Variants in USH2A observed in about 807,000 individuals in gnomAD.
USH2A encodes usherin, also known as Usher syndrome 2A (autosomal recessive, mild).
In USH2A, 443 loss-of-function variants were observed where a neutral mutation model predicts 538.9. The ratio of observed to expected loss-of-function variants is 0.82; its 90% confidence interval spans 0.76 to 0.89. The LOEUF is 0.89. Among genes scored for constraint, USH2A ranks in the 40% least tolerant of loss-of-function variants. The pLI is 0.00. For synonymous variants in USH2A, 2,413 were observed against 2,273.5 expected, an observed-to-expected ratio of 1.06 and a Z score of -1.75; for missense variants, 6,633 against 6,324.8, an observed-to-expected ratio of 1.05 and a Z score of -1.65.
intron 14 of USH2A, among the ~76,000 whole-genome samples, chr1:216,230,929 T>C (rs888068484): frequency 6.6e-6 from 1 of 150,804 alleles, no homozygotes; most frequent in Non-Finnish European, 1.5e-5. Context: ...GACACAGAAT[T>C]GGCATTATAG....
intron 4 of USH2A, among the ~76,000 whole-genome samples, chr1:216,348,410 T>C (rs1310389583): frequency 1.3e-4 from 20 of 152,054 alleles, no homozygotes; most frequent in Admixed American, 1.2e-3. Context: ...CTGTGATAAG[T>C]AAAGAATGTC....
At chr1:216,338,158 T>C (rs2038009657) in intron 4 of USH2A, among the ~76,000 whole-genome samples, 1 of 151,440 alleles carries the variant, frequency 6.6e-6, no homozygotes, top group South Asian at 2.1e-4. Context: ...AAACTGATCC[T>C]AAAATTCATT....
chr1:215,873,672 A>G (rs531272488), intron 43 of USH2A, among the ~76,000 whole-genome samples: 4 of 152,232 alleles, frequency 2.6e-5, no homozygotes, highest in South Asian at 2.1e-4. Context: ...AAGCATTTAC[A>G]TCTTAAGTCT....
chr1:216,033,230 G>A (rs1669170430), intron 32 of USH2A, among the ~76,000 whole-genome samples: 1 of 152,206 alleles, frequency 6.6e-6, no homozygotes, highest in Admixed American at 6.5e-5. Flanking sequence ...TGCACTCAAT[G>A]CTAAGTGAAC....
intron 22 of USH2A, among the ~76,000 whole-genome samples, chr1:216,094,467 C>T (rs540362653): frequency 1.4e-4 from 21 of 152,210 alleles, no homozygotes; most frequent in African/African-American, 4.1e-4. Flanking sequence ...TGATTATTCA[C>T]GTTTTTTTTC....
intron 51 of USH2A, among the ~76,000 whole-genome samples, chr1:215,787,271 C>T (rs371290407): frequency 1.3e-5 from 2 of 152,134 alleles, no homozygotes; most frequent in Admixed American, 6.6e-5. Context: ...ACTTAGTATA[C>T]ACACTACAAA....
intron 19 of USH2A, among the ~76,000 whole-genome samples, chr1:216,194,917 A>G (rs577934153): frequency 5.3e-5 from 8 of 152,308 alleles, no homozygotes; most frequent in Non-Finnish European, 1.0e-4. Flanking sequence ...CATAACATGT[A>G]GTAATTTTTA....
rs1558061867 is a variant in USH2A, at chr1:216,377,863, GAAA to G, written c.652-12781_652-12779del. Among the ~76,000 whole-genome samples the G allele has an allele frequency of 1.1e-3, 147 of 135,768 alleles. 1 individual carries two copies. Among genetic ancestry groups the G allele is most frequent in the African/African-American group, 3.6e-3 (132 of 36,288 alleles). The allele number at this position is 135,768 out of a possible 152,430, so 89.1% of individuals were successfully genotyped here. ...AGAAAGAAAGAAAGAAAGAAAGAAA[GAAA>G]GAAGGAAAGAAAGAAAGGAAGGAAG... On this transcript the variant is annotated intron_variant, in intron 3 of 71. Coordinates refer to ENST00000307340, the MANE Select transcript of USH2A (RefSeq NM_206933.4).
At chr1:216,005,855 T>C (rs1221220552) in intron 32 of USH2A, among the ~76,000 whole-genome samples, 8 of 152,174 alleles carry the variant, frequency 5.3e-5, no homozygotes, top group African/African-American at 1.9e-4. Flanking sequence ...TGAGTGCATA[T>C]AGAGGATTTA....
chr1:215,942,831 G>C (rs1666668805), intron 37 of USH2A, among the ~76,000 whole-genome samples: 1 of 152,168 alleles, frequency 6.6e-6, no homozygotes, highest in South Asian at 2.1e-4. Flanking sequence ...AGTCTGCAGA[G>C]ACAGGAAGAG....
intron 52 of USH2A, among the ~76,000 whole-genome samples, chr1:215,784,356 G>C (rs1661731080): frequency 6.6e-6 from 1 of 152,176 alleles, no homozygotes; most frequent in African/African-American, 2.4e-5. Context: ...CCTACCCTCA[G>C]ATGGTCAATA....
At chr1:216,401,959 A>G (rs73100702) in intron 3 of USH2A, among the ~76,000 whole-genome samples, 6,642 of 152,192 alleles carry the variant, frequency 0.044, 497 homozygotes, top group African/African-American at 0.15. Context: ...ACTTAGTTCT[A>G]TTTATAAGAG....
At chr1:216,027,326 A>G (rs1470046446) in intron 32 of USH2A, among the ~76,000 whole-genome samples, 1 of 152,194 alleles carries the variant, frequency 6.6e-6, no homozygotes, top group Admixed American at 6.6e-5. Context: ...TTTGTAAGCC[A>G]AGGAGAGAGG....
chr1:216,151,984 C>T (rs532530013), intron 21 of USH2A, among the ~76,000 whole-genome samples: 22 of 152,134 alleles, frequency 1.4e-4, no homozygotes, highest in East Asian at 3.9e-4. Context: ...TCATTCTATA[C>T]GACAAATGTT....
At chr1:215,856,149 C>G (rs1664160222) in intron 44 of USH2A, among the ~76,000 whole-genome samples, 1 of 152,090 alleles carries the variant, frequency 6.6e-6, no homozygotes, top group East Asian at 1.9e-4. Flanking sequence ...GACAAAGAAC[C>G]TAAAAGCAAA....
intron 61 of USH2A, among the ~76,000 whole-genome samples, chr1:215,691,410 A>T (rs2797252): frequency 0.37 from 56,777 of 151,762 alleles, 10,761 homozygotes; most frequent in South Asian, 0.57. Context: ...CTTGTTGAAA[A>T]TTTTAAAACA....
rs549982140 is a variant in USH2A, at chr1:215,728,465, T to A, written c.11712-81A>T. The A allele has an allele frequency of 5.2e-6, 7 of 1,345,972 alleles. No individual in the cohort carries two copies. The South Asian group carries it at 6.2e-5, about 12-fold the overall frequency. The allele number at this position is 1,345,972 out of a possible 1,614,324, so 83.4% of individuals were successfully genotyped here. On this transcript the variant is annotated intron_variant, in intron 60 of 71. Transcript: ENST00000307340. The stretch of plus-strand genomic sequence containing the variant: ...TGTAGATGGAGTAAAAACATTTTTT[T>A]TAGAATTTGTTATCAACTTAACTTT...
At chr1:215,662,113 C>T (rs1168622363) in intron 64 of USH2A, among the ~76,000 whole-genome samples, 1 of 152,122 alleles carries the variant, frequency 6.6e-6, no homozygotes, top group Non-Finnish European at 1.5e-5. Flanking sequence ...ATTAAATACT[C>T]AATTTACAGG....
chr1:215,766,734 C>G lies in USH2A; in HGVS notation c.10994G>C (p.Gly3665Ala). ...TAGAAAAGGCTCGCTTGAAGTGCAC[C>G]CAGCAGATGTACAAGCTGTAAGAGT... ...SFTLTACTSA[G>A]CTSSEPFLGQ... Residue 3665 changes from glycine to alanine, a missense_variant, in exon 56 of 72, where the codon GGG becomes GCG. By Grantham distance (60) the Gly-to-Ala change is moderately conservative. Coordinates refer to ENST00000307340, the MANE Select transcript of USH2A (RefSeq NM_206933.4). The G allele has an allele frequency of 6.2e-7, 1 of 1,613,588 alleles. No homozygotes were observed. Among genetic ancestry groups the G allele is most frequent in the Admixed American group, 1.7e-5 (1 of 59,986 alleles).
Sources: gnomAD v4.1 joint callset for allele counts (sites outside exome capture counted in the v4.1 genomes callset) on GRCh38, gnomAD v4.1.1 for gene constraint, MANE v1.5 for transcripts, NCBI Gene and HGNC (gene_info 2026-07-23, HGNC 2026-07-21) for gene names.